Variants in C4orf36 observed in about 807,000 individuals in gnomAD.
The protein encoded by C4orf36 is chromosome 4 open reading frame 36, also known as uncharacterized protein C4orf36.
A neutral mutation model predicts 12.2 loss-of-function variants in C4orf36; 11 were observed. The ratio of observed to expected loss-of-function variants is 0.90; its 90% CI spans 0.57 to 1.49. C4orf36 has a LOEUF of 1.49. Among genes scored for constraint, C4orf36 ranks in the 40% most tolerant of loss-of-function variants. C4orf36 has a pLI of 0.00. For synonymous variants in C4orf36, 54 were observed against 51.3 expected (o/e 1.05, Z -0.22); for missense variants, 137 against 133.9 (o/e 1.02, Z -0.11).
chr4:86,917,341 A>AGGAT, the C4orf36 span, among the ~76,000 whole-genome samples: 2 of 148,036 alleles, frequency 1.4e-5, no homozygotes. Flanking sequence ...GAAGGAAGGA[A>AGGAT]GGATGGAAGG....
intron 4 of C4orf36, among the ~76,000 whole-genome samples, chr4:86,882,831 C>T (rs1747080219): frequency 6.6e-6 from 1 of 152,090 alleles, no homozygotes; most frequent in Non-Finnish European, 1.5e-5. Context: ...TATAGCTTTC[C>T]CCCCAAAACC....
At chr4:86,893,599 A>G (rs1747509412), upstream of C4orf36, among the ~76,000 whole-genome samples, 1 of 150,166 alleles carries the variant, frequency 6.7e-6, no homozygotes, top group Non-Finnish European at 1.5e-5. Flanking sequence ...AAAAAAAGAT[A>G]AAACACAGTA....
chr4:86,903,740 TCCATTTTACAGAGAGCTGATTGGC>T, the C4orf36 span, among the ~76,000 whole-genome samples: 3 of 152,126 alleles, frequency 2.0e-5, no homozygotes, highest in African/African-American at 4.8e-5. Flanking sequence ...TGCTGATTGG[TCCATTTTACAGAGAGCTGATTGGC>T]CCATTTTACA....
chr4:86,902,707 C>T, the C4orf36 span, among the ~76,000 whole-genome samples: 1 of 152,172 alleles, frequency 6.6e-6, no homozygotes, highest in Admixed American at 6.5e-5. Context: ...TTGCCAAGTA[C>T]CCTTTTCAAA....
chr4:86,903,067 G>A, the C4orf36 span, among the ~76,000 whole-genome samples: 1 of 152,130 alleles, frequency 6.6e-6, no homozygotes, highest in Admixed American at 6.6e-5. Flanking sequence ...AGAGATAATT[G>A]CCTTCTCATT....
chr4:86,925,081 C>T, the C4orf36 span: 1 of 152,154 alleles, frequency 6.6e-6, no homozygotes, highest in African/African-American at 2.4e-5. Context: ...TGAGGACAAA[C>T]CAGGAAGATG....
chr4:86,900,590 C>A, the C4orf36 span, among the ~76,000 whole-genome samples: 2 of 151,958 alleles, frequency 1.3e-5, no homozygotes, highest in African/African-American at 4.8e-5. Flanking sequence ...AAGGCCAGAC[C>A]CCTCTTTCTC....
At chr4:86,913,140 G>A in the C4orf36 span, 1 of 294,116 alleles carries the variant, frequency 3.4e-6, no homozygotes, top group Non-Finnish European at 6.5e-6. Flanking sequence ...ACATGGTATT[G>A]GCGTGATATA....
intron 4 of C4orf36, among the ~76,000 whole-genome samples, chr4:86,880,657 C>T (rs1272343854): frequency 6.6e-6 from 1 of 152,190 alleles, no homozygotes; most frequent in African/African-American, 2.4e-5. Flanking sequence ...ACTAAAGAGA[C>T]TCCTTCAAGT....
chr4:86,914,391 CTTTTTTTTTT>C, the C4orf36 span: 105 of 327,790 alleles, frequency 3.2e-4, no homozygotes, highest in Middle Eastern at 4.3e-3. Flanking sequence ...CTTCTTCTTC[CTTTTTTTTTT>C]TTTTTTTTTT....
chr4:86,926,693 T>G, the C4orf36 span, among the ~76,000 whole-genome samples: 1 of 152,198 alleles, frequency 6.6e-6, no homozygotes, highest in Non-Finnish European at 1.5e-5. Context: ...CAGGTGAGTC[T>G]GCCATACAGG....
At chr4:86,888,065 T>C (rs2149421966) in intron 3 of C4orf36, 56 bp downstream of exon 3, 1 of 1,583,684 alleles carries the variant, frequency 6.3e-7, no homozygotes, top group South Asian at 1.2e-5. Flanking sequence ...ATTTCTCTGA[T>C]AAGCAAATGG....
At chr4:86,913,424 C>A in the C4orf36 span, 1 of 741,696 alleles carries the variant, frequency 1.3e-6, no homozygotes, top group Non-Finnish European at 2.5e-6. Flanking sequence ...GTGTTGCGGT[C>A]CTCAGTCGTG....
upstream of C4orf36, among the ~76,000 whole-genome samples, chr4:86,894,308 T>C (rs980287563): frequency 2.0e-5 from 3 of 152,206 alleles, no homozygotes; most frequent in Non-Finnish European, 2.9e-5. Flanking sequence ...ATTTCTGTTA[T>C]ATACATATAT....
upstream of C4orf36, among the ~76,000 whole-genome samples, chr4:86,893,864 T>TTTA (rs1747522640): frequency 8.0e-4 from 110 of 138,356 alleles, no homozygotes; most frequent in African/African-American, 2.8e-3. Flanking sequence ...TGGCCTGAAT[T>TTTA]TTTATTTATT....
the C4orf36 span, chr4:86,914,921 C>A: frequency 7.4e-6 from 2 of 269,356 alleles, no homozygotes; most frequent in East Asian, 1.6e-4. Context: ...AACAGGCCCA[C>A]CACGGGGACC....
chr4:86,878,972 C>T (rs1160888957), intron 4 of C4orf36, among the ~76,000 whole-genome samples: 6 of 152,160 alleles, frequency 3.9e-5, no homozygotes, highest in Non-Finnish European at 8.8e-5. Flanking sequence ...TTTGGGAGGT[C>T]GCCATACACT....
Position 86,891,554 on chromosome 4 carries a change from G to C in C4orf36, c.-34C>G, listed in dbSNP as rs1288158650. On this transcript the variant is annotated 5_prime_UTR_variant, in exon 2 of 5. Transcript: ENST00000295898. ...ATTACGGTATGATTTCGTTACATAG[G>C]TGCCTGATGGAATGTCACAGATAAC... 6.2e-7 allele frequency: 1 copy of C among 1,613,726 alleles called. No homozygotes were observed. Among genetic ancestry groups the C allele is most frequent in the Non-Finnish European group, 8.5e-7 (1 of 1,179,904 alleles).
the C4orf36 span, among the ~76,000 whole-genome samples, chr4:86,919,204 G>A: frequency 6.6e-6 from 1 of 151,320 alleles, no homozygotes; most frequent in Non-Finnish European, 1.5e-5. Flanking sequence ...AGCAAAAATG[G>A]TCACTTGGCC....
Sources: allele counts gnomAD v4.1 joint callset (sites outside exome capture counted in the v4.1 genomes callset), GRCh38; gene constraint gnomAD v4.1.1; transcripts MANE v1.5; gene names NCBI Gene and HGNC (gene_info 2026-07-23, HGNC 2026-07-21).